Variants in STAU1 observed in about 807,000 individuals in gnomAD.
STAU1 encodes the protein staufen double-stranded RNA binding protein 1.
Under a neutral mutation model 62.9 loss-of-function variants are expected in STAU1, and 13 were observed. That is an observed-to-expected ratio of 0.21 (90% CI 0.13 to 0.33). The LOEUF (loss-of-function observed/expected upper bound fraction) is 0.33. STAU1 is among the 10% of genes least tolerant of loss of function. STAU1 has a pLI of 1.00. For missense variants in STAU1, 571 were observed against 712.1 expected, an observed-to-expected ratio of 0.80 and a Z score of 2.25; for synonymous variants, 269 against 265.1, an observed-to-expected ratio of 1.01 and a Z score of -0.14.
At chr20:49,188,336 G>A (rs945900167), upstream of STAU1, 1 of 152,054 alleles carries the variant, frequency 6.6e-6, no homozygotes, top group East Asian at 1.9e-4. Flanking sequence ...ACGCTGAAGA[G>A]CCGCTCAGGC....
At position 49,136,847 on chromosome 20, in the gene STAU1, G is replaced by A. The variant is rs1488495265; in HGVS notation, c.511-916C>T. Among the ~76,000 whole-genome samples the A allele has an allele frequency of 4.6e-5, 7 of 152,188 alleles. No homozygotes were observed. The South Asian group carries it at 6.2e-4, about 14-fold the overall frequency. On this transcript the variant is annotated intron_variant, in intron 5 of 13. Transcript: ENST00000371856. ...TGAGTAGCTGGGATTGCAGGCATGC[G>A]CCACCACACCCAGCTAATTTTTGTA...
chr20:49,191,418 T>C (rs1197125042), upstream of STAU1, among the ~76,000 whole-genome samples: 1 of 152,176 alleles, frequency 6.6e-6, no homozygotes, highest in Non-Finnish European at 1.5e-5. Context: ...AGGCTAGAAC[T>C]AAGTGATCAA....
intron 3 of STAU1, among the ~76,000 whole-genome samples, chr20:49,154,798 G>A (rs377600830): frequency 2.2e-4 from 32 of 147,778 alleles, no homozygotes; most frequent in African/African-American, 6.5e-4. Flanking sequence ...CCTGGGAGGC[G>A]GACCTTGCAG....
intron 5 of STAU1, among the ~76,000 whole-genome samples, chr20:49,147,574 C>T (rs2093154911): frequency 1.3e-5 from 2 of 152,208 alleles, no homozygotes; most frequent in South Asian, 4.1e-4. Flanking sequence ...AGAACTTGGC[C>T]ATATGTACCA....
the STAU1 span, among the ~76,000 whole-genome samples, chr20:49,212,322 A>G: frequency 1.3e-5 from 2 of 152,040 alleles, no homozygotes; most frequent in Non-Finnish European, 2.9e-5. Flanking sequence ...GGCCACTTGT[A>G]TATCTTCTTT....
chr20:49,206,738 TATATATATA>T, the STAU1 span, among the ~76,000 whole-genome samples: 1,465 of 137,280 alleles, frequency 0.011, 41 homozygotes, highest in African/African-American at 0.037. Flanking sequence ...TATATATATA[TATATATATA>T]TATATTTTAT....
chr20:49,180,337 C>CCT (rs1555873876), intron 1 of STAU1, among the ~76,000 whole-genome samples: 1 of 150,784 alleles, frequency 6.6e-6, no homozygotes, highest in African/African-American at 2.4e-5. Flanking sequence ...TTTTTTCCCC[C>CCT]CCTGGATACA....
the STAU1 span, among the ~76,000 whole-genome samples, chr20:49,217,252 T>C: frequency 6.6e-6 from 1 of 151,972 alleles, no homozygotes; most frequent in Non-Finnish European, 1.5e-5. Context: ...AGACCCAAGT[T>C]CCCGCTTCCT....
intron 1 of STAU1, chr20:49,179,335 T>C (rs1244412588): frequency 6.6e-6 from 1 of 152,212 alleles, no homozygotes; most frequent in African/African-American, 2.4e-5. Context: ...TTCTTTTTTA[T>C]GTTTGGTGCT....
At chr20:49,207,291 A>G in the STAU1 span, among the ~76,000 whole-genome samples, 1 of 150,958 alleles carries the variant, frequency 6.6e-6, no homozygotes, top group Non-Finnish European at 1.5e-5. Flanking sequence ...GCCAAGTCAG[A>G]GTGTCCACCA....
At chr20:49,171,370 C>T (rs1434897794) in intron 2 of STAU1, among the ~76,000 whole-genome samples, 1 of 152,256 alleles carries the variant, frequency 6.6e-6, no homozygotes, top group East Asian at 1.9e-4. Context: ...TCTCAGCTCA[C>T]TGCAAGTTCC....
At chr20:49,218,282 T>A in the STAU1 span, among the ~76,000 whole-genome samples, 1 of 149,906 alleles carries the variant, frequency 6.7e-6, no homozygotes, top group East Asian at 2.0e-4. Flanking sequence ...TGGAGTGCAG[T>A]GGCACGATCT....
chr20:49,218,874 G>A, the STAU1 span, among the ~76,000 whole-genome samples: 1 of 151,556 alleles, frequency 6.6e-6, no homozygotes, highest in African/African-American at 2.4e-5. Context: ...AAACTCCGCC[G>A]GGCGTGGTGG....
chr20:49,124,471 G>A lies in STAU1; in HGVS notation c.726C>T (p.Ala242=). The A allele has an allele frequency of 6.2e-7, 1 of 1,614,150 alleles. No homozygotes were observed. ...KSKKISKKNA[A]IAVLEELKKL... ...TCTTCAGCTCCTCAAGAACAGCTAT[G>A]GCGGCATTTTTCTTTGAAATCTTCT... Residue 242 remains alanine (A), a synonymous_variant, in exon 7 of 14, where the codon GCC becomes GCT. Coordinates refer to ENST00000371856, the MANE Select transcript of STAU1 (RefSeq NM_017453.4).
intron 5 of STAU1, among the ~76,000 whole-genome samples, chr20:49,140,203 T>C (rs1248254695): frequency 1.3e-5 from 2 of 151,856 alleles, no homozygotes; most frequent in Admixed American, 6.6e-5. Flanking sequence ...AGTTAATTAA[T>C]TTAATAGAAA....
chr20:49,208,367 AT>A, the STAU1 span, among the ~76,000 whole-genome samples: 1 of 151,404 alleles, frequency 6.6e-6, no homozygotes, highest in East Asian at 1.9e-4. Flanking sequence ...CTATATATAT[AT>A]TTTTTTGTAT....
the STAU1 span, among the ~76,000 whole-genome samples, chr20:49,215,314 G>A: frequency 7.2e-5 from 11 of 152,196 alleles, no homozygotes; most frequent in Non-Finnish European, 1.0e-4. Context: ...TTGTTGACCC[G>A]CCTTTTATTC....
chr20:49,159,089 T>C, intron 3 of STAU1: 1 of 1,197,722 alleles, frequency 8.3e-7, no homozygotes, highest in South Asian at 1.6e-5. Flanking sequence ...TGCAACGCAG[T>C]ACAATCCCTG....
the STAU1 span, among the ~76,000 whole-genome samples, chr20:49,206,136 C>G: frequency 1.3e-5 from 2 of 148,400 alleles, no homozygotes; most frequent in Admixed American, 7.0e-5. Flanking sequence ...GCGCTCGCCA[C>G]CACGCCCAGC....
Sources: gnomAD v4.1 joint callset for allele counts (sites outside exome capture counted in the v4.1 genomes callset) on GRCh38, gnomAD v4.1.1 for gene constraint, MANE v1.5 for transcripts, NCBI Gene and HGNC (gene_info 2026-07-23, HGNC 2026-07-21) for gene names.